The following SV2B variants were observed in gnomAD, a reference collection of about 807,000 sequenced individuals.
SV2B encodes solute carrier family 22 member B2.
A neutral mutation model predicts 73.9 loss-of-function variants in SV2B; 41 were observed. The observed-to-expected ratio is 0.56, with a 90% CI of 0.43 to 0.72. The LOEUF is 0.72. SV2B is among the 30% of genes least tolerant of loss of function. The probability of loss-of-function intolerance (pLI) is 0.00; values close to 1 mark genes in which losing one functional copy is unlikely to be tolerated. For missense variants in SV2B, 764 were observed against 857.8 expected (o/e 0.89, Z 1.37); for synonymous variants, 314 against 314.2 (o/e 1.00, Z 0.01).
At chr15:91,190,651 G>T (rs751528578) in intron 1 of SV2B, among the ~76,000 whole-genome samples, 2 of 152,148 alleles carry the variant, frequency 1.3e-5, no homozygotes, top group Non-Finnish European at 2.9e-5. Context: ...GTAGGTTTCT[G>T]ATGTTCCCGT....
chr15:91,123,113 A>G lies in SV2B; in HGVS notation c.-392+22750A>G, dbSNP rs115178737. On this transcript the variant is annotated intron_variant, in intron 1 of 12. Coordinates refer to ENST00000394232, the MANE Select transcript of SV2B (RefSeq NM_001323032.3). The surrounding 1 kb of genome is among the most constrained non-coding windows in gnomAD (Gnocchi z 4.7). ...TGGCAAAACCCTGTTTCTACAAAAC[A>G]AAGTACAAAAATTAGCTAAGCATGG... 3.1e-3 allele frequency among the ~76,000 whole-genome samples: 468 copies of G among 152,040 alleles called. 2 individuals carry two copies. Among genetic ancestry groups the G allele is most frequent in the African/African-American group, 0.011 (453 of 41,454 alleles).
intron 2 of SV2B, among the ~76,000 whole-genome samples, chr15:91,250,907 G>A (rs764593590): frequency 6.6e-5 from 10 of 152,046 alleles, no homozygotes; most frequent in Non-Finnish European, 1.0e-4. Context: ...ATTCAATGCC[G>A]TCCCTATCAA....
intron 11 of SV2B, among the ~76,000 whole-genome samples, chr15:91,287,064 G>T (rs576541993): frequency 1.5e-4 from 23 of 152,278 alleles, no homozygotes; most frequent in African/African-American, 5.1e-4. Context: ...AGCACTTGGG[G>T]GTCCTGTAGA....
At position 91,268,518 on chromosome 15, in the gene SV2B, TG is replaced by T. The variant is rs1406656736; in HGVS notation, c.1287del (p.Phe431LeufsTer25). ...QDEEYKSKMK[V>X]FFGEHVYGAT... ...GAAGAATACAAGTCTAAAATGAAGG[TG>T]TTTTTTGGTGAGCATGTGTACGGCG... is the stretch of plus-strand genomic sequence containing the variant. On this transcript the variant is annotated frameshift_variant, in exon 9 of 13. Transcript: ENST00000394232. LOFTEE classifies it high-confidence loss of function. The surrounding 1 kb of genome is among the most constrained non-coding windows in gnomAD (Gnocchi z 4.4). 1 of 1,614,146 alleles carries T rather than the reference TG, an allele frequency of 6.2e-7. No homozygotes were observed. The highest frequency in any genetic ancestry group is 8.5e-7 in the Non-Finnish European group (1 of 1,180,004).
intron 1 of SV2B, among the ~76,000 whole-genome samples, chr15:91,210,715 A>G (rs1184844193): frequency 6.6e-6 from 1 of 152,172 alleles, no homozygotes. Flanking sequence ...CCCCTATTGG[A>G]GCAATGCATC....
Position 91,118,927 on chromosome 15 carries a change from T to C in SV2B, c.-392+18564T>C, listed in dbSNP as rs1004431374. Among the ~76,000 whole-genome samples the C allele has an allele frequency of 3.3e-5, 5 of 152,304 alleles. No individual in the cohort carries two copies. Among genetic ancestry groups the C allele is most frequent in the Admixed American group, 6.5e-5 (1 of 15,294 alleles). ...AGACTTGCAATACTTTATATACTGGTGAATGAGCTGTCTCGGCTTGGAGGC... is the reference window on the plus strand; with the variant it reads ...AGACTTGCAATACTTTATATACTGGCGAATGAGCTGTCTCGGCTTGGAGGC... On this transcript the variant is annotated intron_variant, in intron 1 of 12. Coordinates refer to ENST00000394232, the MANE Select transcript of SV2B (RefSeq NM_001323032.3). This position sits in a 1 kb window ranked among gnomAD's most constrained non-coding sequence, Gnocchi z 4.7.
chr15:91,198,808 C>T (rs1393457653), intron 1 of SV2B, among the ~76,000 whole-genome samples: 1 of 152,124 alleles, frequency 6.6e-6, no homozygotes, highest in African/African-American at 2.4e-5. Flanking sequence ...GGCCTCGACC[C>T]AGAGTCCTGT....
chr15:91,229,500 G>A lies in SV2B; in HGVS notation c.451+2786G>A, dbSNP rs2046492006. Reference sequence around the variant, plus strand: ...TGCAGTGAGATGACGAAGCAACGTGGCCCTGGAGCCAGTTGCTTGGATTTG... The same window carrying A: ...TGCAGTGAGATGACGAAGCAACGTGACCCTGGAGCCAGTTGCTTGGATTTG... On this transcript the variant is annotated intron_variant, in intron 2 of 12. Coordinates refer to ENST00000394232, the MANE Select transcript of SV2B (RefSeq NM_001323032.3). This position sits in a 1 kb window ranked among gnomAD's most constrained non-coding sequence, Gnocchi z 4.3. 6.6e-6 allele frequency among the ~76,000 whole-genome samples: 1 copy of A among 152,184 alleles called. No homozygotes were observed. The highest frequency in any genetic ancestry group is 1.5e-5 in the Non-Finnish European group (1 of 68,030).
rs2046559434 is a variant in SV2B at position 91,231,172 on chromosome 15, C to T, written c.451+4458C>T. Among the ~76,000 whole-genome samples, 1 of 152,154 alleles carries T rather than the reference C, an allele frequency of 6.6e-6. No homozygotes were observed. The highest frequency in any genetic ancestry group is 6.5e-5 in the Admixed American group (1 of 15,282). On this transcript the variant is annotated intron_variant, in intron 2 of 12. Transcript: ENST00000394232. The surrounding 1 kb of genome is among the most constrained non-coding windows in gnomAD (Gnocchi z 4.5). ...ACTTAGGAAGCTCAGGGCTATGTGG[C>T]AAGGTAAGCCCTTTGGTTCTTACAA...
chr15:91,171,265 C>A (rs1043046667), intron 1 of SV2B, among the ~76,000 whole-genome samples: 4 of 152,182 alleles, frequency 2.6e-5, no homozygotes, highest in African/African-American at 9.7e-5. Flanking sequence ...TCAGCTTTAT[C>A]ATCTCTAAAA....
At chr15:91,147,961 C>G (rs1037827239) in intron 1 of SV2B, among the ~76,000 whole-genome samples, 1 of 141,344 alleles carries the variant, frequency 7.1e-6, no homozygotes. Flanking sequence ...CGCACCCCCC[C>G]CAACTTTTTT....
Position 91,281,819 on chromosome 15 carries a change from T to C in SV2B, c.1465T>C (p.Phe489Leu), listed in dbSNP as rs1339291726. The C allele has an allele frequency of 6.2e-7, 1 of 1,613,122 alleles. No individual in the cohort carries two copies. Among genetic ancestry groups the C allele is most frequent in the Non-Finnish European group, 8.5e-7 (1 of 1,179,452 alleles). Residue 489 changes from phenylalanine (F) to leucine (L), a missense_variant, in exon 10 of 13, where the codon TTC becomes CTC. Transcript: ENST00000394232. This position sits in a 1 kb window ranked among gnomAD's most constrained non-coding sequence, Gnocchi z 4.7. ...FEDVTSTDTY[F>L]KNCTIESTIF... Reference sequence around the variant, plus strand: ...AGACGTAACATCAACAGATACCTACTTCAAAAATTGTACCATTGAATCAAC... The same window carrying C: ...AGACGTAACATCAACAGATACCTACCTCAAAAATTGTACCATTGAATCAAC...
Position 91,292,505 on chromosome 15 carries a change from C to T in SV2B, c.2005C>T (p.Leu669=). The change falls in exon 13 of 13, where the codon CTG becomes TTG. Residue 669 remains leucine (L), a synonymous_variant. Transcript: ENST00000394232. Reference sequence around the variant, plus strand: ...TGCTGCTTCTCTGGTTGGGGGTGGCCTGATTGCCCTTCGACTGCCAGAGAC... The same window carrying T: ...TGCTGCTTCTCTGGTTGGGGGTGGCTTGATTGCCCTTCGACTGCCAGAGAC... The part of the protein sequence containing the change: ...LAAASLVGGG[L]IALRLPETRE... The T allele has an allele frequency of 6.2e-7, 1 of 1,614,138 alleles. No individual in the cohort carries two copies. Among genetic ancestry groups the T allele is most frequent in the Non-Finnish European group, 8.5e-7 (1 of 1,180,012 alleles).
chr15:91,204,620 G>A (rs1471705159), intron 1 of SV2B, among the ~76,000 whole-genome samples: 4 of 146,556 alleles, frequency 2.7e-5, no homozygotes, highest in Non-Finnish European at 5.9e-5. Flanking sequence ...ATAGTGGCTC[G>A]GTCACAGCTC....
rs2042667820 is a variant in SV2B at position 91,132,005 on chromosome 15, T to C, written c.-392+31642T>C. The stretch of plus-strand genomic sequence containing the variant: ...ACAAACAAAACTTAGCCAAGTGTGG[T>C]GATGTCACTGGTAGAGGGTCGTGAC... On this transcript the variant is annotated intron_variant, in intron 1 of 12. Coordinates refer to ENST00000394232, the MANE Select transcript of SV2B (RefSeq NM_001323032.3). The surrounding 1 kb of genome is among the most constrained non-coding windows in gnomAD (Gnocchi z 4.6). Among the ~76,000 whole-genome samples, 1 of 152,114 alleles carries C rather than the reference T, an allele frequency of 6.6e-6. No homozygotes were observed. The highest frequency in any genetic ancestry group is 1.5e-5 in the Non-Finnish European group (1 of 68,014).
At chr15:91,173,373 C>T (rs980706337) in intron 1 of SV2B, among the ~76,000 whole-genome samples, 4 of 152,134 alleles carry the variant, frequency 2.6e-5, no homozygotes, top group South Asian at 2.1e-4. Context: ...ATTCTTGCTG[C>T]GTTGGAAGCC....
chr15:91,131,791 C>T (rs1356353735), intron 1 of SV2B, among the ~76,000 whole-genome samples: 3 of 152,092 alleles, frequency 2.0e-5, no homozygotes, highest in South Asian at 4.2e-4. Context: ...GGTGAAACCC[C>T]GTCTCTACTA....
At chr15:91,153,135 C>G (rs1484242088) in intron 1 of SV2B, among the ~76,000 whole-genome samples, 1 of 152,302 alleles carries the variant, frequency 6.6e-6, no homozygotes, top group Middle Eastern at 3.4e-3. Flanking sequence ...GATCAGGCAG[C>G]TCTCTGAAGC....
At chr15:91,243,242 G>T (rs2047091651) in intron 2 of SV2B, among the ~76,000 whole-genome samples, 1 of 152,182 alleles carries the variant, frequency 6.6e-6, no homozygotes, top group Non-Finnish European at 1.5e-5. Flanking sequence ...GCCCAGGAGA[G>T]CTATCAGAGG....
Sources: allele counts gnomAD v4.1 joint callset (sites outside exome capture counted in the v4.1 genomes callset), GRCh38; gene constraint gnomAD v4.1.1; non-coding constraint Gnocchi (gnomAD v3.1); transcripts MANE v1.5; gene names NCBI Gene and HGNC (gene_info 2026-07-23, HGNC 2026-07-21).